Variants in CNTNAP2 observed in about 807,000 individuals in gnomAD.
CNTNAP2 encodes the protein contactin associated protein 2.
Under a neutral mutation model 155.2 loss-of-function variants are expected in CNTNAP2, and 98 were observed. That is an observed-to-expected ratio of 0.63 (90% CI 0.54 to 0.75). The LOEUF (loss-of-function observed/expected upper bound fraction) is 0.75, where lower values mean the gene tolerates loss of function less well. Among genes scored for constraint, CNTNAP2 ranks in the 30% least tolerant of loss-of-function variants. The pLI is 0.00. For missense variants in CNTNAP2, 1,727 were observed against 1,688.1 expected, an observed-to-expected ratio of 1.02 and a Z score of -0.40; for synonymous variants, 651 against 631.2, an observed-to-expected ratio of 1.03 and a Z score of -0.47.
chr7:146,754,670 G>T (rs564763062), intron 1 of CNTNAP2, among the ~76,000 whole-genome samples: 1 of 151,676 alleles, frequency 6.6e-6, no homozygotes, highest in East Asian at 1.9e-4. Context: ...GAGTCGAATG[G>T]TATCTCTACA....
chr7:146,474,337 C>T (rs568686725), intron 1 of CNTNAP2, among the ~76,000 whole-genome samples: 152 of 148,934 alleles, frequency 1.0e-3, no homozygotes, highest in South Asian at 1.7e-3. Flanking sequence ...ATATACTTAC[C>T]ACTCATCTTG....
chr7:148,241,008 G>T (rs62470459), intron 20 of CNTNAP2, among the ~76,000 whole-genome samples: 60 of 151,966 alleles, frequency 3.9e-4, no homozygotes, highest in Non-Finnish European at 8.2e-4. Flanking sequence ...GACTCAAATG[G>T]TAATCTCCTC....
chr7:146,326,866 T>A (rs1801106047), intron 1 of CNTNAP2, among the ~76,000 whole-genome samples: 1 of 152,214 alleles, frequency 6.6e-6, no homozygotes, highest in Non-Finnish European at 1.5e-5. Flanking sequence ...GTTCAGTTCT[T>A]ATGGAAGGAA....
chr7:147,919,459 C>CTTTCTTTTTCTTTTTTTTTTTTTTTTT (rs58537091), intron 14 of CNTNAP2, among the ~76,000 whole-genome samples: 1 of 51,240 alleles, frequency 2.0e-5, no homozygotes. Flanking sequence ...CTTTTTCTTT[C>CTTTCTTTTTCTTTTTTTTTTTTTTTTT]TTTTTTTTTT....
chr7:146,458,317 G>GA (rs1796586973), intron 1 of CNTNAP2, among the ~76,000 whole-genome samples: 1 of 151,764 alleles, frequency 6.6e-6, no homozygotes, highest in Admixed American at 6.6e-5. Context: ...TGATGACAAA[G>GA]AAAAAAAGAC....
chr7:146,229,659 G>T (rs911571330), intron 1 of CNTNAP2, among the ~76,000 whole-genome samples: 1 of 151,716 alleles, frequency 6.6e-6, no homozygotes, highest in Non-Finnish European at 1.5e-5. Context: ...GCTACATAAT[G>T]TATTCATCTT....
chr7:148,029,490 A>G (rs1212390672), intron 15 of CNTNAP2, among the ~76,000 whole-genome samples: 1 of 152,216 alleles, frequency 6.6e-6, no homozygotes, highest in Non-Finnish European at 1.5e-5. Flanking sequence ...AAAACTTTTA[A>G]TGCTGTGAAC....
At chr7:147,537,672 A>C (rs1249410360) in intron 11 of CNTNAP2, among the ~76,000 whole-genome samples, 1 of 152,200 alleles carries the variant, frequency 6.6e-6, no homozygotes, top group East Asian at 1.9e-4. Flanking sequence ...GATCATGTGG[A>C]CTTTTCAGCC....
At chr7:146,439,797 T>C (rs1796295170) in intron 1 of CNTNAP2, among the ~76,000 whole-genome samples, 1 of 151,522 alleles carries the variant, frequency 6.6e-6, no homozygotes, top group African/African-American at 2.4e-5. Context: ...ATTAGCATAT[T>C]TTTCTGGATT....
At chr7:146,869,110 G>A (rs891666061) in intron 3 of CNTNAP2, among the ~76,000 whole-genome samples, 2 of 152,168 alleles carry the variant, frequency 1.3e-5, no homozygotes, top group African/African-American at 4.8e-5. Context: ...CAAGGGGAAT[G>A]CTTCCAGCTT....
At chr7:147,465,993 C>T (rs1798113675) in intron 10 of CNTNAP2, among the ~76,000 whole-genome samples, 1 of 152,162 alleles carries the variant, frequency 6.6e-6, no homozygotes, top group East Asian at 1.9e-4. Flanking sequence ...GAGCCAAGGG[C>T]CCTCTCAAAG....
chr7:147,951,040 T>C (rs1477821417), intron 14 of CNTNAP2, among the ~76,000 whole-genome samples: 2 of 152,234 alleles, frequency 1.3e-5, no homozygotes, highest in Non-Finnish European at 2.9e-5. Context: ...GTCTTCATTT[T>C]CCTATGTGAA....
chr7:147,422,056 G>A (rs1797299127), intron 10 of CNTNAP2, among the ~76,000 whole-genome samples: 2 of 147,888 alleles, frequency 1.4e-5, no homozygotes, highest in African/African-American at 5.1e-5. Context: ...ATAGCAATTC[G>A]AGAATGGCCT....
At chr7:147,946,015 G>A (rs904030375) in intron 14 of CNTNAP2, among the ~76,000 whole-genome samples, 17 of 151,494 alleles carry the variant, frequency 1.1e-4, no homozygotes, top group African/African-American at 3.4e-4. Flanking sequence ...TTACAGATGC[G>A]CGCCACCATG....
chr7:148,238,985 A>G (rs1796095683), intron 20 of CNTNAP2, among the ~76,000 whole-genome samples: 1 of 152,202 alleles, frequency 6.6e-6, no homozygotes, highest in African/African-American at 2.4e-5. Context: ...GGAAGCACTA[A>G]ATTTTTTAGG....
At chr7:147,861,949 G>A (rs561771300) in intron 13 of CNTNAP2, among the ~76,000 whole-genome samples, 21 of 140,546 alleles carry the variant, frequency 1.5e-4, no homozygotes, top group African/African-American at 5.6e-4. Flanking sequence ...AGTGAGCCAG[G>A]ATCGTGCCAT....
chr7:148,366,557 T>C (rs1195706470), intron 21 of CNTNAP2, among the ~76,000 whole-genome samples: 1 of 152,220 alleles, frequency 6.6e-6, no homozygotes, highest in Non-Finnish European at 1.5e-5. Context: ...CATGGATCCT[T>C]GCCCAAGACC....
At chr7:146,701,564 G>A (rs1276809146) in intron 1 of CNTNAP2, among the ~76,000 whole-genome samples, 1 of 151,634 alleles carries the variant, frequency 6.6e-6, no homozygotes, top group African/African-American at 2.4e-5. Flanking sequence ...ATTATTTAGA[G>A]TTTAATACTT....
At chr7:146,439,164 G>T (rs1299755005) in intron 1 of CNTNAP2, among the ~76,000 whole-genome samples, 1 of 151,460 alleles carries the variant, frequency 6.6e-6, no homozygotes, top group African/African-American at 2.5e-5. Flanking sequence ...TCTCCCCAGA[G>T]AAGGGGACTA....
Sources: allele counts gnomAD v4.1 joint callset (sites outside exome capture counted in the v4.1 genomes callset), GRCh38; gene constraint gnomAD v4.1.1; transcripts MANE v1.5; gene names NCBI Gene and HGNC (gene_info 2026-07-23, HGNC 2026-07-21).